Variants in ZHX3 observed in about 807,000 individuals in gnomAD.
The protein encoded by ZHX3 is zinc fingers and homeoboxes 3.
ZHX3 carries 20 observed loss-of-function variants against 64.5 expected under a neutral mutation model. The ratio of observed to expected loss-of-function variants is 0.31; its 90% CI spans 0.22 to 0.45. The LOEUF (loss-of-function observed/expected upper bound fraction) is 0.45. Ranked by LOEUF, ZHX3 falls within the 20% of genes least tolerant of loss-of-function variation. The probability of loss-of-function intolerance (pLI) is 1.00; values close to 1 mark genes in which losing one functional copy is unlikely to be tolerated. For missense variants in ZHX3, 1,041 were observed against 1,195.8 expected (o/e 0.87, Z 1.91); for synonymous variants, 423 against 461.6 (o/e 0.92, Z 1.07).
intron 1 of ZHX3, among the ~76,000 whole-genome samples, chr20:41,287,319 A>T (rs1052386571): frequency 6.6e-6 from 1 of 151,940 alleles, no homozygotes; most frequent in Non-Finnish European, 1.5e-5. Context: ...ATTCTGCTCT[A>T]TTTTTTCTTT....
intron 1 of ZHX3, among the ~76,000 whole-genome samples, chr20:41,308,187 C>CT (rs1416958717): frequency 1.3e-5 from 2 of 152,136 alleles, no homozygotes; most frequent in African/African-American, 2.4e-5. Flanking sequence ...CTCTGAATTC[C>CT]TTTTTTTCTC....
chr20:41,289,196 C>G (rs1270318629), intron 1 of ZHX3, among the ~76,000 whole-genome samples: 1 of 151,586 alleles, frequency 6.6e-6, no homozygotes. Context: ...GAGACAGGGT[C>G]TCACTTTGTT....
intron 2 of ZHX3, among the ~76,000 whole-genome samples, chr20:41,234,547 T>C (rs1239382980): frequency 6.6e-6 from 1 of 152,200 alleles, no homozygotes; most frequent in East Asian, 1.9e-4. Flanking sequence ...GAGTGACCTA[T>C]GTCAAAGTGA....
chr20:41,301,789 T>C (rs2044817430), intron 1 of ZHX3, among the ~76,000 whole-genome samples: 1 of 151,898 alleles, frequency 6.6e-6, no homozygotes, highest in African/African-American at 2.4e-5. Context: ...GCGCGGTGGC[T>C]CACGCCTGTA....
At chr20:41,288,548 C>T (rs141300971) in intron 1 of ZHX3, among the ~76,000 whole-genome samples, 1 of 152,260 alleles carries the variant, frequency 6.6e-6, no homozygotes, top group East Asian at 1.9e-4. Context: ...CCAAAATTTA[C>T]TTGAAGGGCA....
intron 2 of ZHX3, among the ~76,000 whole-genome samples, chr20:41,217,370 C>T (rs1483173545): frequency 6.6e-6 from 1 of 151,506 alleles, no homozygotes; most frequent in Non-Finnish European, 1.5e-5. Flanking sequence ...ATATATATGG[C>T]TCATATATAT....
At chr20:41,236,796 A>C (rs28812854) in intron 2 of ZHX3, among the ~76,000 whole-genome samples, 3,255 of 152,234 alleles carry the variant, frequency 0.021, 106 homozygotes, top group African/African-American at 0.073. Context: ...AGCTTCTACA[A>C]AGCAAAAGAA....
At chr20:41,217,047 T>C (rs2039579421) in intron 2 of ZHX3, among the ~76,000 whole-genome samples, 1 of 152,256 alleles carries the variant, frequency 6.6e-6, no homozygotes, top group African/African-American at 2.4e-5. Context: ...GAAAATGGGC[T>C]ATTCTTTACC....
At position 41,212,779 on chromosome 20, in the gene ZHX3, A is replaced by G. The variant is rs1257417226; in HGVS notation, c.-150-7713T>C. 6.6e-6 allele frequency among the ~76,000 whole-genome samples: 1 copy of G among 151,970 alleles called. No individual in the cohort carries two copies. The highest frequency in any genetic ancestry group is 1.5e-5 in the Non-Finnish European group (1 of 67,988). On this transcript the variant is annotated intron_variant, in intron 2 of 3. Coordinates refer to ENST00000683867, the MANE Select transcript of ZHX3 (RefSeq NM_001384317.1). The surrounding 1 kb of genome is among the most constrained non-coding windows in gnomAD (Gnocchi z 4.3). ...GCCATTGTACTCCAGCCTGGGCAAC[A>G]AGAGCTAAACTGTGTCTCAAAAAAA...
Position 41,201,156 on chromosome 20 carries a change from C to T in ZHX3, c.2860+901G>A, listed in dbSNP as rs1433749787. On this transcript the variant is annotated intron_variant, in intron 3 of 3. Transcript: ENST00000683867. This position sits in a 1 kb window ranked among gnomAD's most constrained non-coding sequence, Gnocchi z 5.0. ...CATGCCAAAGTCACCACGGAACCAT[C>T]ACATTGCCCAACACCACAAATAGTG... 1.8e-6 allele frequency: 1 copy of T among 555,474 alleles called. No individual in the cohort carries two copies. Among genetic ancestry groups the T allele is most frequent in the Non-Finnish European group, 2.7e-6 (1 of 372,878 alleles). The allele number at this position is 555,474 out of a possible 1,614,324, so 34.4% of individuals were successfully genotyped here.
At chr20:41,289,013 A>G (rs2044083324) in intron 1 of ZHX3, among the ~76,000 whole-genome samples, 1 of 152,124 alleles carries the variant, frequency 6.6e-6, no homozygotes, top group South Asian at 2.1e-4. Flanking sequence ...TTTTTTTGAG[A>G]CAGGGTCTCA....
At position 41,184,756 on chromosome 20, in the gene ZHX3, C is replaced by T. The variant is rs374969125; in HGVS notation, c.*435G>A. On this transcript the variant is annotated 3_prime_UTR_variant, in exon 4 of 4. Coordinates refer to ENST00000683867, the MANE Select transcript of ZHX3 (RefSeq NM_001384317.1). ...CCCAGCAATCCCCAGAGAACAGACA[C>T]AGGTCATTTTTAGAGATGACGTAAC... The T allele has an allele frequency of 4.5e-6, 4 of 881,466 alleles. No homozygotes were observed. The East Asian group carries it at 8.0e-5, about 18-fold the overall frequency. 54.6% of individuals were successfully genotyped at this position (881,466 alleles called of 1,614,324 possible).
At position 41,181,855 on chromosome 20, in the gene ZHX3, C is replaced by T. The variant is rs1040014524; in HGVS notation, c.*3336G>A. 6.6e-6 allele frequency: 1 copy of T among 152,226 alleles called. No individual in the cohort carries two copies. The highest frequency in any genetic ancestry group is 2.4e-5 in the African/African-American group (1 of 41,448). 9.4% of individuals were successfully genotyped at this position (152,226 alleles called of 1,614,324 possible). On this transcript the variant is annotated 3_prime_UTR_variant, in exon 4 of 4. Transcript: ENST00000683867. ...TCTGTCCAACTTCCTCCTTGTGCTACTAGAGAGCACAGTGTGGAGTCCTTG... is the reference window on the plus strand; with the variant it reads ...TCTGTCCAACTTCCTCCTTGTGCTATTAGAGAGCACAGTGTGGAGTCCTTG...
At chr20:41,213,591 G>A in intron 2 of ZHX3, 1 of 152,716 alleles carries the variant, frequency 6.5e-6, no homozygotes. Flanking sequence ...AGAAGGCCAG[G>A]CAGCAGAACT....
chr20:41,242,496 T>C (rs2041444424), intron 2 of ZHX3, among the ~76,000 whole-genome samples: 1 of 152,192 alleles, frequency 6.6e-6, no homozygotes, highest in South Asian at 2.1e-4. Flanking sequence ...AATCAAAGAA[T>C]GCAAATAGGG....
chr20:41,228,436 T>C lies in ZHX3; in HGVS notation c.-150-23370A>G, dbSNP rs1264193478. ...TCGGGGTGCTATAACAAAAACATCATAGACTGGATGGCTTATAAACAACAG... is the reference window on the plus strand; with the variant it reads ...TCGGGGTGCTATAACAAAAACATCACAGACTGGATGGCTTATAAACAACAG... On this transcript the variant is annotated intron_variant, in intron 2 of 3. Transcript: ENST00000683867. This position sits in a 1 kb window ranked among gnomAD's most constrained non-coding sequence, Gnocchi z 4.6. Among the ~76,000 whole-genome samples the C allele has an allele frequency of 1.3e-5, 2 of 152,166 alleles. No homozygotes were observed. The highest frequency in any genetic ancestry group is 2.4e-5 in the African/African-American group (1 of 41,434).
At chr20:41,207,476 G>A (rs2038814834) in intron 2 of ZHX3, among the ~76,000 whole-genome samples, 1 of 151,712 alleles carries the variant, frequency 6.6e-6, no homozygotes, top group Non-Finnish European at 1.5e-5. Context: ...TAAAAGAACA[G>A]AAATTATAAT....
chr20:41,275,482 G>A (rs1187187544), intron 1 of ZHX3, among the ~76,000 whole-genome samples: 2 of 152,194 alleles, frequency 1.3e-5, no homozygotes, highest in Non-Finnish European at 2.9e-5. Context: ...AGGTAACCAG[G>A]TAAAAACCTG....
At chr20:41,275,935 TAAAC>T (rs1299006689) in intron 1 of ZHX3, among the ~76,000 whole-genome samples, 4 of 152,148 alleles carry the variant, frequency 2.6e-5, no homozygotes, top group Non-Finnish European at 5.9e-5. Flanking sequence ...ATAAAAACAC[TAAAC>T]AAACAAAGAT....
Sources: gnomAD v4.1 joint callset for allele counts (sites outside exome capture counted in the v4.1 genomes callset) on GRCh38, gnomAD v4.1.1 for gene constraint, Gnocchi (gnomAD v3.1) non-coding constraint, MANE v1.5 for transcripts, NCBI Gene and HGNC (gene_info 2026-07-23, HGNC 2026-07-21) for gene names.